WWOX: variants seen among roughly 807,000 people sequenced by gnomAD.
WWOX encodes the protein WW domain-containing oxidoreductase.
WWOX carries 69 observed loss-of-function variants against 46.2 expected under a neutral mutation model. The ratio of observed to expected loss-of-function variants is 1.49; its 90% CI spans 1.23 to 1.82. The LOEUF (loss-of-function observed/expected upper bound fraction) is 1.82. WWOX is among the 40% of genes most tolerant of loss of function. The pLI is 0.00. For synonymous variants in WWOX, 359 were observed against 202.6 expected, an observed-to-expected ratio of 1.77 and a Z score of -6.56; for missense variants, 919 against 542.6, an observed-to-expected ratio of 1.69 and a Z score of -6.89.
intron 8 of WWOX, among the ~76,000 whole-genome samples, chr16:79,130,554 C>T (rs535674058): frequency 2.6e-5 from 4 of 152,154 alleles, no homozygotes; most frequent in African/African-American, 9.7e-5. Flanking sequence ...TGTACATTCA[C>T]ATCCTGGTAA....
At chr16:78,336,516 A>C (rs1396673584) in intron 5 of WWOX, among the ~76,000 whole-genome samples, 4 of 150,548 alleles carry the variant, frequency 2.7e-5, no homozygotes, top group Non-Finnish European at 5.9e-5. Flanking sequence ...AAAAAAAAAA[A>C]AAAAAAAAAG....
At chr16:79,063,751 A>T (rs1174845864) in intron 8 of WWOX, among the ~76,000 whole-genome samples, 1 of 152,244 alleles carries the variant, frequency 6.6e-6, no homozygotes, top group Non-Finnish European at 1.5e-5. Flanking sequence ...AACAGAATAA[A>T]AATAGCTCAA....
intron 8 of WWOX, among the ~76,000 whole-genome samples, chr16:78,585,863 T>C (rs990555615): frequency 6.6e-6 from 1 of 151,964 alleles, no homozygotes; most frequent in Non-Finnish European, 1.5e-5. Flanking sequence ...AATCTTTTAT[T>C]GTCTTGTTCT....
intron 5 of WWOX, among the ~76,000 whole-genome samples, chr16:78,196,840 T>C (rs1263452296): frequency 6.6e-6 from 1 of 152,234 alleles, no homozygotes; most frequent in African/African-American, 2.4e-5. Flanking sequence ...TCTGATCATT[T>C]TGGACAAAAG....
At chr16:78,352,191 G>C (rs1002991761) in intron 5 of WWOX, among the ~76,000 whole-genome samples, 2 of 152,338 alleles carry the variant, frequency 1.3e-5, no homozygotes, top group African/African-American at 4.8e-5. Context: ...ATTTTTCACA[G>C]GAGCCAGAAG....
intron 8 of WWOX, among the ~76,000 whole-genome samples, chr16:78,719,242 A>T (rs2048638514): frequency 6.6e-6 from 1 of 152,224 alleles, no homozygotes; most frequent in Admixed American, 6.5e-5. Flanking sequence ...ACAGCCTGGC[A>T]TACGAACTTC....
intron 8 of WWOX, among the ~76,000 whole-genome samples, chr16:78,501,434 C>G (rs1289263639): frequency 6.6e-6 from 1 of 151,974 alleles, no homozygotes; most frequent in Non-Finnish European, 1.5e-5. Context: ...TGCAAAATAG[C>G]TCACCCAGCT....
chr16:78,589,409 G>A (rs964176319), intron 8 of WWOX, among the ~76,000 whole-genome samples: 2 of 152,194 alleles, frequency 1.3e-5, no homozygotes, highest in African/African-American at 4.8e-5. Flanking sequence ...GGTATCCGCA[G>A]AGGTTGTCTT....
intron 5 of WWOX, among the ~76,000 whole-genome samples, chr16:78,229,626 G>A (rs2037187560): frequency 6.6e-6 from 1 of 151,782 alleles, no homozygotes; most frequent in Non-Finnish European, 1.5e-5. Flanking sequence ...TGTTTTTGGA[G>A]TCTCTGTAGG....
rs140993823 is a variant in WWOX, at chr16:79,102,305, C to G, written c.1057-109303C>G. Among the ~76,000 whole-genome samples, 659 of 152,252 alleles carry G rather than the reference C, an allele frequency of 4.3e-3. 17 individuals are homozygous for G. The highest frequency in any genetic ancestry group is 0.027 in the Admixed American group (420 of 15,308). ...GTGACTATGGACAAGAGGTGTTTGA[C>G]TCTAGGACTCAGCTACCTCATCTGT... On this transcript the variant is annotated intron_variant, in intron 8 of 8. Coordinates refer to ENST00000566780, the MANE Select transcript of WWOX (RefSeq NM_016373.4).
In WWOX at chr16:78,825,567, G is replaced by T. The variant is rs117008116; in HGVS notation, c.1057-386041G>T. ...TGAAAAGGTGGCCCCAGAGGTCTGT[G>T]TGCCATTGCCCAGGTCGAGTCTGCA... On this transcript the variant is annotated intron_variant, in intron 8 of 8. Coordinates refer to ENST00000566780, the MANE Select transcript of WWOX (RefSeq NM_016373.4). 1,027 of 533,604 alleles carry T rather than the reference G, an allele frequency of 1.9e-3. 6 individuals are homozygous for T. Among genetic ancestry groups the T allele is most frequent in the Non-Finnish European group, 3.2e-3 (847 of 265,180 alleles). The allele number at this position is 533,604 out of a possible 1,614,324, so 33.1% of individuals were successfully genotyped here.
intron 8 of WWOX, among the ~76,000 whole-genome samples, chr16:79,060,302 T>C (rs1336412069): frequency 6.6e-6 from 1 of 152,252 alleles, no homozygotes; most frequent in Admixed American, 6.5e-5. Context: ...CCGGCCACAC[T>C]GTGAGTGCTG....
At chr16:78,675,094 G>C (rs920155766) in intron 8 of WWOX, among the ~76,000 whole-genome samples, 1 of 152,194 alleles carries the variant, frequency 6.6e-6, no homozygotes, top group South Asian at 2.1e-4. Flanking sequence ...GCAAGGCGCT[G>C]TGCTGAATGT....
chr16:78,432,103 C>T (rs1285038379), intron 7 of WWOX, among the ~76,000 whole-genome samples: 1 of 148,668 alleles, frequency 6.7e-6, no homozygotes, highest in African/African-American at 2.5e-5. Context: ...CTCATCTCTA[C>T]ATAGTTTCCT....
chr16:79,074,363 T>C (rs144038413), intron 8 of WWOX, among the ~76,000 whole-genome samples: 2,167 of 145,348 alleles, frequency 0.015, 30 homozygotes, highest in Non-Finnish European at 0.022. Flanking sequence ...AAAACCACCG[T>C]TGTCACTCAA....
At chr16:78,261,782 ATCT>A (rs2079242331) in intron 5 of WWOX, among the ~76,000 whole-genome samples, 1 of 43,420 alleles carries the variant, frequency 2.3e-5, no homozygotes, top group Non-Finnish European at 4.0e-5. Context: ...GTATCTATCT[ATCT>A]ATCTATATAT....
intron 8 of WWOX, among the ~76,000 whole-genome samples, chr16:79,166,520 G>A (rs2050597840): frequency 6.6e-6 from 1 of 152,104 alleles, no homozygotes; most frequent in African/African-American, 2.4e-5. Context: ...ACGGGCAGTA[G>A]TCCGCATTTT....
chr16:78,388,297 C>T (rs72796087), intron 6 of WWOX, among the ~76,000 whole-genome samples: 9,197 of 152,234 alleles, frequency 0.06, 354 homozygotes, highest in South Asian at 0.17. Flanking sequence ...TCTGAAAATG[C>T]TGGGATTACA....
At chr16:79,131,617 C>G (rs537882848) in intron 8 of WWOX, among the ~76,000 whole-genome samples, 125 of 152,244 alleles carry the variant, frequency 8.2e-4, no homozygotes, top group African/African-American at 3.0e-3. Context: ...TAAAGTCACA[C>G]TGGAAGGATA....
Sources: allele counts gnomAD v4.1 joint callset (sites outside exome capture counted in the v4.1 genomes callset), GRCh38; gene constraint gnomAD v4.1.1; transcripts MANE v1.5; gene names NCBI Gene and HGNC (gene_info 2026-07-23, HGNC 2026-07-21).